Variants in NIPAL2 observed in about 807,000 individuals in gnomAD.
NIPAL2 encodes NIPA-like protein 2.
Under a neutral mutation model 48.9 loss-of-function variants are expected in NIPAL2, and 43 were observed. The ratio of observed to expected loss-of-function variants is 0.88; its 90% CI spans 0.69 to 1.13. NIPAL2 has a LOEUF of 1.13. Among genes scored for constraint, NIPAL2 ranks in the 50% most tolerant of loss-of-function variants. The pLI is 0.00. For synonymous variants in NIPAL2, 167 were observed against 174.6 expected, an observed-to-expected ratio of 0.96 and a Z score of 0.34; for missense variants, 446 against 461.4, an observed-to-expected ratio of 0.97 and a Z score of 0.31.
At chr8:98,221,330 T>TA (rs1811865089) in intron 5 of NIPAL2, among the ~76,000 whole-genome samples, 2 of 151,264 alleles carry the variant, frequency 1.3e-5, no homozygotes, top group Admixed American at 6.6e-5. Context: ...TGTGCTCCTC[T>TA]CAGACAGTCT....
intron 4 of NIPAL2, among the ~76,000 whole-genome samples, chr8:98,235,157 T>A (rs915310510): frequency 2.6e-5 from 4 of 152,030 alleles, no homozygotes; most frequent in Admixed American, 1.3e-4. Context: ...GCTCAAAATT[T>A]AAAAAAAATA....
chr8:98,220,584 A>G (rs1811804862), intron 5 of NIPAL2, among the ~76,000 whole-genome samples: 1 of 151,902 alleles, frequency 6.6e-6, no homozygotes, highest in Non-Finnish European at 1.5e-5. Context: ...AATTTTTAAA[A>G]TTATTTGTAG....
Position 98,206,048 on chromosome 8 carries a change from G to A in NIPAL2, c.656-802C>T, listed in dbSNP as rs151301494. Among the ~76,000 whole-genome samples, 919 of 152,248 alleles carry A rather than the reference G, an allele frequency of 6.0e-3. 9 individuals carry two copies. The highest frequency in any genetic ancestry group is 0.021 in the African/African-American group (859 of 41,532). Reference sequence around the variant, plus strand: ...GTTATATCACTATGAAAGTAATGGAGCATTTTCTGGCAACATCATCTTTCT... The same window carrying A: ...GTTATATCACTATGAAAGTAATGGAACATTTTCTGGCAACATCATCTTTCT... On this transcript the variant is annotated intron_variant, in intron 6 of 10. Coordinates refer to ENST00000430223, the MANE Select transcript of NIPAL2 (RefSeq NM_001321635.2).
At chr8:98,232,665 C>T (rs1812494960) in intron 4 of NIPAL2, among the ~76,000 whole-genome samples, 1 of 152,042 alleles carries the variant, frequency 6.6e-6, no homozygotes, top group South Asian at 2.1e-4. Flanking sequence ...ACATAAGGTT[C>T]CTCTAGTGTG....
In NIPAL2 at chr8:98,190,121, G is replaced by A. The variant is rs1810242626; in HGVS notation, c.*2857C>T. On this transcript the variant is annotated 3_prime_UTR_variant, in exon 11 of 11. Transcript: ENST00000430223. Reference sequence around the variant, plus strand: ...TCACTTCCATTTAGAACTTATATAAGCAAAAATATCTGAAGGCAAATATCA... The same window carrying A: ...TCACTTCCATTTAGAACTTATATAAACAAAAATATCTGAAGGCAAATATCA... 6.6e-6 allele frequency: 1 copy of A among 152,132 alleles called. No homozygotes were observed. The highest frequency in any genetic ancestry group is 1.5e-5 in the Non-Finnish European group (1 of 68,034). The allele number at this position is 152,132 out of a possible 1,614,324, so 9.4% of individuals were successfully genotyped here.
intron 4 of NIPAL2, among the ~76,000 whole-genome samples, chr8:98,223,997 A>G (rs577170065): frequency 6.6e-6 from 1 of 152,322 alleles, no homozygotes; most frequent in East Asian, 1.9e-4. Context: ...TAAACTTGGT[A>G]TGGTAAAGTA....
intron 5 of NIPAL2, chr8:98,217,364 A>G (rs1213944419): frequency 1.6e-6 from 1 of 623,058 alleles, no homozygotes; most frequent in Non-Finnish European, 2.0e-6. Flanking sequence ...CTTTTGTGAG[A>G]AATATAAAAT....
chr8:98,221,266 G>A (rs150647066), intron 5 of NIPAL2, among the ~76,000 whole-genome samples: 34 of 151,826 alleles, frequency 2.2e-4, no homozygotes, highest in Admixed American at 1.8e-3. Context: ...GTGAGCCACC[G>A]TGCCCAGCCT....
chr8:98,225,074 G>A (rs1414363045), intron 4 of NIPAL2, among the ~76,000 whole-genome samples: 3 of 152,092 alleles, frequency 2.0e-5, no homozygotes. Context: ...TACTTTCTAA[G>A]TCCCTTTCAC....
At chr8:98,206,435 T>C (rs967004441) in intron 6 of NIPAL2, among the ~76,000 whole-genome samples, 1 of 152,070 alleles carries the variant, frequency 6.6e-6, no homozygotes, top group Non-Finnish European at 1.5e-5. Flanking sequence ...ACTGAAAATA[T>C]ACTTTAACTT....
At chr8:98,224,615 C>A (rs1029468941) in intron 4 of NIPAL2, among the ~76,000 whole-genome samples, 1 of 151,848 alleles carries the variant, frequency 6.6e-6, no homozygotes, top group African/African-American at 2.4e-5. Flanking sequence ...ATCTTCGTTG[C>A]GTTTCTTTCT....
chr8:98,218,194 C>T (rs1317313761), intron 5 of NIPAL2, among the ~76,000 whole-genome samples: 1 of 152,184 alleles, frequency 6.6e-6, no homozygotes, highest in African/African-American at 2.4e-5. Flanking sequence ...TTAATTTTCT[C>T]GTTTCAGGCT....
chr8:98,219,369 G>T (rs569052699), intron 5 of NIPAL2, among the ~76,000 whole-genome samples: 5 of 152,248 alleles, frequency 3.3e-5, no homozygotes, highest in African/African-American at 9.6e-5. Flanking sequence ...TAGAAGCAAG[G>T]CAGAGGAAGA....
At chr8:98,280,877 T>C (rs1815791997) in intron 1 of NIPAL2, among the ~76,000 whole-genome samples, 1 of 151,266 alleles carries the variant, frequency 6.6e-6, no homozygotes, top group Non-Finnish European at 1.5e-5. Context: ...TACTACTCTT[T>C]TTTACTTTTC....
At chr8:98,212,992 C>T (rs112532852) in intron 5 of NIPAL2, among the ~76,000 whole-genome samples, 2,075 of 152,286 alleles carry the variant, frequency 0.014, 51 homozygotes, top group African/African-American at 0.047. Flanking sequence ...ACTCTTGCCT[C>T]TCTATAATCC....
chr8:98,217,952 A>C (rs1811656625), intron 5 of NIPAL2, among the ~76,000 whole-genome samples: 2 of 152,260 alleles, frequency 1.3e-5, no homozygotes, highest in African/African-American at 4.8e-5. Context: ...ATACGTGAAT[A>C]AATGAACGAA....
intron 5 of NIPAL2, among the ~76,000 whole-genome samples, chr8:98,214,508 T>A (rs1449015104): frequency 1.3e-5 from 2 of 152,284 alleles, no homozygotes; most frequent in East Asian, 3.9e-4. Flanking sequence ...GCTGAATTTG[T>A]AAGTATGAAT....
At position 98,201,216 on chromosome 8, in the gene NIPAL2, G is replaced by T. The variant is rs117139247; in HGVS notation, c.880+1892C>A. 9.6e-3 allele frequency among the ~76,000 whole-genome samples: 1,465 copies of T among 152,146 alleles called. 9 individuals carry two copies. The highest frequency in any genetic ancestry group is 0.024 in the Middle Eastern group (7 of 294). On this transcript the variant is annotated intron_variant, in intron 8 of 10. Coordinates refer to ENST00000430223, the MANE Select transcript of NIPAL2 (RefSeq NM_001321635.2). ...TATGCTTTCTCATGGAGGCAGAGAG[G>T]AGAAGTAGTTGGCAAGCTCCACCAC...
At chr8:98,259,632 C>T (rs1291383032) in intron 1 of NIPAL2, among the ~76,000 whole-genome samples, 1 of 152,164 alleles carries the variant, frequency 6.6e-6, no homozygotes, top group Non-Finnish European at 1.5e-5. Context: ...ACAAATGCAG[C>T]GAAAGTACGC....
Sources: allele counts gnomAD v4.1 joint callset (sites outside exome capture counted in the v4.1 genomes callset), GRCh38; gene constraint gnomAD v4.1.1; transcripts MANE v1.5; gene names NCBI Gene and HGNC (gene_info 2026-07-23, HGNC 2026-07-21).